NMNAT1: variants seen among roughly 807,000 people sequenced by gnomAD.
NMNAT1 encodes nicotinamide/nicotinic acid mononucleotide adenylyltransferase 1.
NMNAT1 carries 11 observed loss-of-function variants against 16.7 expected under a neutral mutation model. That is an observed-to-expected ratio of 0.66 (90% CI 0.41 to 1.09). The LOEUF (loss-of-function observed/expected upper bound fraction) is 1.09. Ranked by LOEUF, NMNAT1 falls within the 50% of genes least tolerant of loss-of-function variation. NMNAT1 has a pLI of 0.00. For missense variants in NMNAT1, 280 were observed against 332.3 expected (o/e 0.84, Z 1.22); for synonymous variants, 110 against 119.8 (o/e 0.92, Z 0.53).
intron 1 of NMNAT1, among the ~76,000 whole-genome samples, chr1:9,962,119 C>A (rs1641425365): frequency 6.6e-6 from 1 of 151,950 alleles, no homozygotes; most frequent in Admixed American, 6.6e-5. Context: ...GGCTGCTTTT[C>A]CTATCTTGTT....
intron 3 of NMNAT1, among the ~76,000 whole-genome samples, chr1:9,976,507 G>A (rs1160427232): frequency 2.6e-5 from 4 of 152,138 alleles, no homozygotes; most frequent in African/African-American, 9.6e-5. Flanking sequence ...GGCCTGATTC[G>A]TGTGCTGCTT....
chr1:9,958,326 T>G (rs554387221), intron 1 of NMNAT1, among the ~76,000 whole-genome samples: 1 of 152,288 alleles, frequency 6.6e-6, no homozygotes, highest in South Asian at 2.1e-4. Flanking sequence ...TGAGATCCAT[T>G]GCATTCTAAT....
At chr1:9,942,956 G>A (rs1404880456), upstream of NMNAT1, 1 of 351,442 alleles carries the variant, frequency 2.8e-6, no homozygotes, top group Non-Finnish European at 5.6e-6. Flanking sequence ...AGGCCGAGAG[G>A]GTCTTTGAGG....
At position 9,959,373 on chromosome 1, in the gene NMNAT1, GAAAAAAAA is replaced by G. The variant is rs70998331; in HGVS notation, c.-56-12627_-56-12620del. On this transcript the variant is annotated intron_variant, in intron 1 of 4. Transcript: ENST00000377205. ...GGGACAAGAGTGAAACTCCATCTTG[GAAAAAAAA>G]AAAAAAAAAAAAAAAAAGAGGCCGG... 5.2e-3 allele frequency among the ~76,000 whole-genome samples: 616 copies of G among 117,596 alleles called. 3 individuals are homozygous for G. The highest frequency in any genetic ancestry group is 0.01 in the African/African-American group (310 of 30,334). The allele number at this position is 117,596 out of a possible 152,430, so 77.1% of individuals were successfully genotyped here. A position where few individuals can be genotyped will look rare whatever the true frequency, so the allele number is the denominator to read the frequency against.
chr1:9,971,933 A>G (rs533286126), intron 1 of NMNAT1, 85 bp from the exon 2 acceptor site: 4 of 633,800 alleles, frequency 6.3e-6, no homozygotes, highest in Middle Eastern at 4.6e-4. Context: ...TTGCATCACT[A>G]CACTCTAGCC....
chr1:9,964,177 C>G (rs1323161598), intron 1 of NMNAT1, among the ~76,000 whole-genome samples: 1 of 151,740 alleles, frequency 6.6e-6, no homozygotes, highest in African/African-American at 2.4e-5. Flanking sequence ...CAGGTGTGAG[C>G]TACCACACCG....
At chr1:9,945,761 A>G (rs1403531327) in intron 1 of NMNAT1, among the ~76,000 whole-genome samples, 1 of 152,058 alleles carries the variant, frequency 6.6e-6, no homozygotes, top group Non-Finnish European at 1.5e-5. Flanking sequence ...ACTTTCCCTG[A>G]TTTTTTAATT....
intron 1 of NMNAT1, among the ~76,000 whole-genome samples, chr1:9,945,593 G>A (rs1054444426): frequency 3.3e-5 from 5 of 152,114 alleles, no homozygotes; most frequent in Admixed American, 1.3e-4. Flanking sequence ...CCAGCTACTC[G>A]GGAGGCTGAG....
In NMNAT1 at chr1:9,982,400, A is replaced by G. The variant is rs769625503; in HGVS notation, c.539A>G (p.Asn180Ser). ...GAAGACATCACCCAAATCGTGGCCA[A>G]CTATGGGCTCATATGTGTTACTCGG... ...KSEDITQIVA[N>S]YGLICVTRAG... Residue 180 changes from asparagine (N) to serine (S), a missense_variant, in exon 5 of 5, where the codon AAC (asparagine) becomes AGC (serine). By Grantham distance (46) the Asn-to-Ser change is conservative. Transcript: ENST00000377205. 4 of 1,614,176 alleles carry G rather than the reference A, an allele frequency of 2.5e-6. No homozygotes were observed. The highest frequency in any genetic ancestry group is 3.4e-6 in the Non-Finnish European group (4 of 1,180,030).
chr1:9,961,185 G>T (rs186044601), intron 1 of NMNAT1, among the ~76,000 whole-genome samples: 49 of 152,244 alleles, frequency 3.2e-4, no homozygotes, highest in Non-Finnish European at 5.9e-4. Flanking sequence ...CATCCCTTGG[G>T]CATCACCTGG....
chr1:9,978,360 A>G (rs114070845), intron 3 of NMNAT1, among the ~76,000 whole-genome samples: 3,064 of 152,300 alleles, frequency 0.02, 120 homozygotes, highest in Admixed American at 0.094. Flanking sequence ...CGTCTCAAAA[A>G]AAAAGATTAC....
intron 3 of NMNAT1, among the ~76,000 whole-genome samples, chr1:9,977,026 C>A (rs1325467170): frequency 6.6e-6 from 1 of 151,890 alleles, no homozygotes; most frequent in African/African-American, 2.4e-5. Context: ...CCTGCCTCAG[C>A]CTCCCAAGTA....
intron 4 of NMNAT1, 68 bp downstream of exon 4, chr1:9,981,238 G>T (rs570769360): frequency 6.5e-7 from 1 of 1,542,546 alleles, no homozygotes; most frequent in South Asian, 1.2e-5. Context: ...AAACCCCTGT[G>T]TATTTTTTTT....
chr1:9,975,910 C>T, intron 3 of NMNAT1, 135 bp downstream of exon 3: 1 of 691,324 alleles, frequency 1.4e-6, no homozygotes, highest in Non-Finnish European at 2.5e-6. Context: ...TAAGCCATTC[C>T]TGTGGAAGGT....
chr1:9,962,600 C>T (rs551398092), intron 1 of NMNAT1, among the ~76,000 whole-genome samples: 1 of 151,236 alleles, frequency 6.6e-6, no homozygotes, highest in East Asian at 1.9e-4. Flanking sequence ...TTGGCCTTCT[C>T]ATTATCTCCA....
At chr1:9,951,059 A>G (rs1175678877) in intron 1 of NMNAT1, among the ~76,000 whole-genome samples, 3 of 151,696 alleles carry the variant, frequency 2.0e-5, no homozygotes, top group Non-Finnish European at 4.4e-5. Flanking sequence ...ACTGCACTCC[A>G]GCTTAAGCAA....
intron 1 of NMNAT1, among the ~76,000 whole-genome samples, chr1:9,955,022 C>T (rs563687591): frequency 4.1e-4 from 63 of 151,986 alleles, no homozygotes; most frequent in African/African-American, 1.3e-3. Context: ...CGCTGGCTCA[C>T]GCCTGTAATC....
intron 1 of NMNAT1, among the ~76,000 whole-genome samples, chr1:9,962,327 A>C (rs1641433125): frequency 6.6e-6 from 1 of 151,512 alleles, no homozygotes. Flanking sequence ...CTAAAAATAC[A>C]AAAAATTAGC....
In NMNAT1 at chr1:9,972,169, G is replaced by C; in HGVS notation, c.96G>C (p.Lys32Asn). Reference sequence around the variant, plus strand: ...ACCTCAGGTTGTTTGAGCTGGCCAAGGACTACATGAATGGAACAGGTAGGA... The same window carrying C: ...ACCTCAGGTTGTTTGAGCTGGCCAACGACTACATGAATGGAACAGGTAGGA... ...NMHLRLFELA[K>N]DYMNGTGRYT... The change falls in exon 2 of 5, where the codon AAG becomes AAC. Residue 32 changes from lysine to asparagine, a missense_variant. Transcript: ENST00000377205. The C allele has an allele frequency of 6.2e-7, 1 of 1,606,712 alleles. No individual in the cohort carries two copies. The highest frequency in any genetic ancestry group is 8.5e-7 in the Non-Finnish European group (1 of 1,173,382).
Sources: allele counts gnomAD v4.1 joint callset (sites outside exome capture counted in the v4.1 genomes callset), GRCh38; gene constraint gnomAD v4.1.1; transcripts MANE v1.5; gene names NCBI Gene and HGNC (gene_info 2026-07-23, HGNC 2026-07-21).